TRAPPC9: variants seen among roughly 807,000 people sequenced by gnomAD.
TRAPPC9 encodes IKK2 binding protein.
In TRAPPC9, 83 loss-of-function variants were observed where a neutral mutation model predicts 124.0. That is an observed-to-expected ratio of 0.67 (90% confidence interval 0.56 to 0.80). The LOEUF (loss-of-function observed/expected upper bound fraction) is 0.80. TRAPPC9 is among the 30% of genes least tolerant of loss of function. The probability of loss-of-function intolerance (pLI) is 0.00; values close to 1 mark genes in which losing one functional copy is unlikely to be tolerated. For missense variants in TRAPPC9, 1,302 were observed against 1,508.3 expected (o/e 0.86, Z 2.27); for synonymous variants, 638 against 617.5 (o/e 1.03, Z -0.49).
intron 7 of TRAPPC9, among the ~76,000 whole-genome samples, chr8:140,381,204 C>CAAAAAAAAAAAAAAAAAAAAAAAAAAAA (rs35624592): frequency 9.2e-6 from 1 of 109,206 alleles, no homozygotes; most frequent in African/African-American, 3.5e-5. Flanking sequence ...AACTCCATCT[C>CAAAAAAAAAAAAAAAAAAAAAAAAAAAA]AAAAAAAAAA....
chr8:140,006,287 A>AT (rs1231379866), intron 18 of TRAPPC9, among the ~76,000 whole-genome samples: 1 of 152,216 alleles, frequency 6.6e-6, no homozygotes, highest in Non-Finnish European at 1.5e-5. Context: ...TAAAAATATA[A>AT]TTTTTTAAAT....
At chr8:140,290,824 G>T (rs1381235017) in intron 12 of TRAPPC9, among the ~76,000 whole-genome samples, 169 bp downstream of exon 12, 1 of 152,178 alleles carries the variant, frequency 6.6e-6, no homozygotes, top group Non-Finnish European at 1.5e-5. Flanking sequence ...TAAAGACACA[G>T]GAATAACAAA....
chr8:140,370,024 A>G lies in TRAPPC9; in HGVS notation c.1351+940T>C, dbSNP rs116466032. ...CCCTGGTGGGAAATTAACCTAGATG[A>G]CATCACAGTTCTTTCCTGTCTAGAA... On this transcript the variant is annotated intron_variant, in intron 8 of 22. Transcript: ENST00000438773. Among the ~76,000 whole-genome samples the G allele has an allele frequency of 7.0e-3, 1,070 of 152,268 alleles. 14 individuals carry two copies. Among genetic ancestry groups the G allele is most frequent in the African/African-American group, 0.024 (1,014 of 41,546 alleles).
At chr8:139,925,959 C>T (rs1400467855) in intron 19 of TRAPPC9, among the ~76,000 whole-genome samples, 7 of 152,200 alleles carry the variant, frequency 4.6e-5, no homozygotes, top group Admixed American at 4.6e-4. Context: ...AAGAGGCACA[C>T]GGGTGGGACA....
intron 17 of TRAPPC9, among the ~76,000 whole-genome samples, chr8:140,045,257 C>T (rs115000228): frequency 7.9e-4 from 121 of 152,270 alleles, no homozygotes; most frequent in African/African-American, 2.8e-3. Context: ...CTTGCGTACA[C>T]GAAGCGAGGA....
At chr8:140,023,805 G>T in intron 18 of TRAPPC9, 132 bp downstream of exon 18, 1 of 1,370,520 alleles carries the variant, frequency 7.3e-7, no homozygotes, top group Non-Finnish European at 1.0e-6. Flanking sequence ...ACATCCCAGA[G>T]AGGCTCAGCA....
intron 21 of TRAPPC9, among the ~76,000 whole-genome samples, chr8:139,800,187 G>C (rs1413650089): frequency 2.6e-5 from 4 of 152,256 alleles, no homozygotes; most frequent in African/African-American, 9.6e-5. Flanking sequence ...CCGCTGTGCT[G>C]TGTGGTGCTG....
intron 19 of TRAPPC9, among the ~76,000 whole-genome samples, chr8:139,976,038 C>G (rs1836435420): frequency 6.6e-6 from 1 of 150,920 alleles, no homozygotes. Context: ...ACTACAGGCG[C>G]CCGCCACCTC....
chr8:140,010,591 G>C (rs1839055552), intron 18 of TRAPPC9, among the ~76,000 whole-genome samples: 1 of 152,092 alleles, frequency 6.6e-6, no homozygotes, highest in Admixed American at 6.6e-5. Context: ...CATAAAGATG[G>C]TTTACCTTAC....
chr8:139,955,436 G>A (rs1834909176), intron 19 of TRAPPC9, among the ~76,000 whole-genome samples: 1 of 151,776 alleles, frequency 6.6e-6, no homozygotes, highest in African/African-American at 2.4e-5. Context: ...GAGCAAACTT[G>A]GTTTCAAGCG....
intron 9 of TRAPPC9, among the ~76,000 whole-genome samples, chr8:140,351,693 T>C (rs1207778034): frequency 6.6e-6 from 1 of 152,210 alleles, no homozygotes; most frequent in Non-Finnish European, 1.5e-5. Flanking sequence ...TATCAGGGAC[T>C]TGAGTATCCC....
chr8:140,280,445 G>C (rs2065274527), intron 14 of TRAPPC9, among the ~76,000 whole-genome samples: 1 of 151,734 alleles, frequency 6.6e-6, no homozygotes, highest in Non-Finnish European at 1.5e-5. Context: ...TTTTTATTTT[G>C]AGACAAAGTC....
At chr8:140,376,676 G>C (rs1382709277) in intron 7 of TRAPPC9, among the ~76,000 whole-genome samples, 1 of 151,052 alleles carries the variant, frequency 6.6e-6, no homozygotes, top group Non-Finnish European at 1.5e-5. Flanking sequence ...AGGAGTTCGA[G>C]ACCAGCCTGG....
At chr8:140,308,392 C>T (rs147776079) in intron 10 of TRAPPC9, among the ~76,000 whole-genome samples, 26 of 151,384 alleles carry the variant, frequency 1.7e-4, no homozygotes, top group Non-Finnish European at 3.8e-4. Context: ...TTTGACCGGT[C>T]GTACTGAGGT....
intron 21 of TRAPPC9, among the ~76,000 whole-genome samples, chr8:139,872,113 T>A (rs902849141): frequency 6.6e-6 from 1 of 150,916 alleles, no homozygotes; most frequent in Non-Finnish European, 1.5e-5. Context: ...GATGGATGGA[T>A]GGATGGGTGG....
At chr8:140,149,458 A>G (rs2061509022) in intron 17 of TRAPPC9, among the ~76,000 whole-genome samples, 2 of 152,092 alleles carry the variant, frequency 1.3e-5, no homozygotes, top group South Asian at 4.2e-4. Flanking sequence ...TGTCTCTACT[A>G]AAAATACAGA....
At chr8:140,421,838 A>C (rs73356490) in intron 5 of TRAPPC9, among the ~76,000 whole-genome samples, 4,409 of 152,180 alleles carry the variant, frequency 0.029, 215 homozygotes, top group African/African-American at 0.095. Context: ...GCCTTAAATG[A>C]CTTTGTTAGC....
At chr8:139,967,118 C>T (rs1835756891) in intron 19 of TRAPPC9, among the ~76,000 whole-genome samples, 1 of 152,178 alleles carries the variant, frequency 6.6e-6, no homozygotes, top group Non-Finnish European at 1.5e-5. Context: ...CCAGCCTCAC[C>T]TTGTTGGGTT....
chr8:140,255,559 T>A (rs1392831224), intron 15 of TRAPPC9, among the ~76,000 whole-genome samples: 1 of 152,214 alleles, frequency 6.6e-6, no homozygotes, highest in African/African-American at 2.4e-5. Flanking sequence ...TTAACGACAG[T>A]CTGAGGAATG....
Sources: allele counts gnomAD v4.1 joint callset (sites outside exome capture counted in the v4.1 genomes callset), GRCh38; gene constraint gnomAD v4.1.1; transcripts MANE v1.5; gene names NCBI Gene and HGNC (gene_info 2026-07-23, HGNC 2026-07-21).